DYNC2I1: variants seen among roughly 807,000 people sequenced by gnomAD.
DYNC2I1 encodes cytoplasmic dynein 2 intermediate chain 1.
In DYNC2I1, 89 loss-of-function variants were observed where a neutral mutation model predicts 133.4. That is an observed-to-expected ratio of 0.67 (90% CI 0.56 to 0.80). The LOEUF is 0.80. Among genes scored for constraint, DYNC2I1 ranks in the 30% least tolerant of loss-of-function variants. DYNC2I1 has a pLI of 0.00. For missense variants in DYNC2I1, 1,291 were observed against 1,314.5 expected, an observed-to-expected ratio of 0.98 and a Z score of 0.28; for synonymous variants, 504 against 484.3, an observed-to-expected ratio of 1.04 and a Z score of -0.54.
rs541298385 is a variant in DYNC2I1 at position 158,892,337 on chromosome 7, G to A, written c.1059+1004G>A. Among the ~76,000 whole-genome samples the A allele has an allele frequency of 4.6e-5, 7 of 152,294 alleles. No homozygotes were observed. The South Asian group carries it at 1.5e-3, about 32-fold the overall frequency. On this transcript the variant is annotated intron_variant, in intron 8 of 24. Coordinates refer to ENST00000407559, the MANE Select transcript of DYNC2I1 (RefSeq NM_018051.5). ...TACTGATACAATAAATGTAGTATAT[G>A]TTATTTAATATAATGTACCATGACT...
intron 4 of DYNC2I1, among the ~76,000 whole-genome samples, chr7:158,954,790 G>C (rs1239319426): frequency 6.6e-6 from 1 of 152,206 alleles, no homozygotes; most frequent in Non-Finnish European, 1.5e-5. Flanking sequence ...CATTTCTAGA[G>C]TCTTTTTAAA....
chr7:158,878,198 G>A (rs1381716018), intron 4 of DYNC2I1, among the ~76,000 whole-genome samples: 1 of 149,734 alleles, frequency 6.7e-6, no homozygotes, highest in East Asian at 2.0e-4. Flanking sequence ...CAGGAGGGCC[G>A]ACTGTGAGTG....
In DYNC2I1 at chr7:158,876,491, T is replaced by C. The variant is rs1029315073; in HGVS notation, c.491-118T>C. 4.6e-6 allele frequency: 6 copies of C among 1,311,418 alleles called. No homozygotes were observed. The African/African-American group carries it at 7.7e-5, about 17-fold the overall frequency. The allele number at this position is 1,311,418 out of a possible 1,614,324, so 81.2% of individuals were successfully genotyped here. A position where few individuals can be genotyped will look rare whatever the true frequency, so the allele number is the denominator to read the frequency against. On this transcript the variant is annotated intron_variant, in intron 3 of 24. Transcript: ENST00000407559. ...AGGCATGTGTTTTAGTTGAAGAATA[T>C]TTTCAAATACATATTAACGAATATA... is the stretch of plus-strand genomic sequence containing the variant.
chr7:158,878,684 T>C (rs1347522053), intron 4 of DYNC2I1, among the ~76,000 whole-genome samples: 177 of 48,504 alleles, frequency 3.6e-3, no homozygotes, highest in Middle Eastern at 0.038. Flanking sequence ...GCCAGGAGGG[T>C]TGACTGTGAG....
intron 21 of DYNC2I1, 76 bp downstream of exon 21, chr7:158,930,591 G>A (rs761115788): frequency 4.7e-5 from 57 of 1,209,282 alleles, no homozygotes; most frequent in Non-Finnish European, 6.3e-5. Context: ...TTGCATATAC[G>A]GTAAATGGTG....
chr7:158,916,524 G>A (rs529663205), intron 14 of DYNC2I1, among the ~76,000 whole-genome samples: 12 of 58,924 alleles, frequency 2.0e-4, no homozygotes, highest in African/African-American at 6.6e-4. Flanking sequence ...ACGTCTACAC[G>A]CTGGTTGACA....
At chr7:158,920,884 A>G (rs1849002997) in intron 15 of DYNC2I1, among the ~76,000 whole-genome samples, 1 of 152,146 alleles carries the variant, frequency 6.6e-6, no homozygotes, top group Admixed American at 6.5e-5. Flanking sequence ...CCTCATCACT[A>G]TTAAAACACG....
chr7:158,913,979 G>A (rs1847753671), intron 13 of DYNC2I1, among the ~76,000 whole-genome samples: 1 of 152,140 alleles, frequency 6.6e-6, no homozygotes, highest in Non-Finnish European at 1.5e-5. Flanking sequence ...CAAAGTGCTG[G>A]GATTACAGGC....
intron 1 of DYNC2I1, among the ~76,000 whole-genome samples, chr7:158,864,223 CA>C (rs1842200773): frequency 6.6e-6 from 1 of 152,098 alleles, no homozygotes; most frequent in Admixed American, 6.5e-5. Context: ...AAGGAGCTCA[CA>C]TTCCTCAGAT....
Position 158,871,543 on chromosome 7 carries a change from G to A in DYNC2I1, c.471G>A (p.Ala157=), listed in dbSNP as rs375082266. 7.4e-4 allele frequency: 1,134 copies of A among 1,539,822 alleles called. No individual in the cohort carries two copies. The highest frequency in any genetic ancestry group is 8.7e-4 in the Non-Finnish European group (1,000 of 1,146,108). The change falls in exon 3 of 25, where the codon GCG becomes GCA. Residue 157 remains alanine (A), a synonymous_variant. Transcript: ENST00000407559. The part of the protein sequence containing the change: ...ETRDRQLLER[A]ERKGRSVSKV... ...GCGACCGGCAGCTCCTGGAGCGGGC[G>A]GAGAGGAAAGGCCGCTCAGGTGGGT...
chr7:158,948,660 G>C (rs953927851), downstream of DYNC2I1, among the ~76,000 whole-genome samples: 5 of 152,154 alleles, frequency 3.3e-5, no homozygotes, highest in African/African-American at 1.2e-4. Context: ...AGCGCAACTG[G>C]ATATGCAGAC....
chr7:158,879,432 G>C (rs1051586497), intron 4 of DYNC2I1, among the ~76,000 whole-genome samples: 1 of 151,984 alleles, frequency 6.6e-6, no homozygotes, highest in Non-Finnish European at 1.5e-5. Context: ...CCCTTCCACC[G>C]GGATGCTTTA....
intron 8 of DYNC2I1, among the ~76,000 whole-genome samples, chr7:158,894,120 C>CTACTGCATATCA (rs1554455775): frequency 6.3e-4 from 48 of 75,656 alleles, no homozygotes; most frequent in East Asian, 3.2e-3. Flanking sequence ...ACTGCATATC[C>CTACTGCATATCA]TACCGCATAT....
intron 1 of DYNC2I1, among the ~76,000 whole-genome samples, chr7:158,857,467 C>T (rs1041560929): frequency 7.2e-5 from 11 of 151,880 alleles, no homozygotes; most frequent in African/African-American, 2.7e-4. Context: ...TTATTTTTTC[C>T]CCATCACTTA....
intron 1 of DYNC2I1, among the ~76,000 whole-genome samples, chr7:158,862,976 C>T (rs376769579): frequency 5.9e-5 from 9 of 151,992 alleles, no homozygotes; most frequent in Non-Finnish European, 1.3e-4. Context: ...GAGTGAAGCC[C>T]CAGACCTTTG....
intron 5 of DYNC2I1, among the ~76,000 whole-genome samples, chr7:158,882,048 G>A (rs1029467664): frequency 4.6e-5 from 7 of 152,256 alleles, no homozygotes; most frequent in African/African-American, 1.4e-4. Flanking sequence ...AAAAATGGTC[G>A]ATGAAGAACA....
chr7:158,856,407 G>C (rs1053573916), upstream of DYNC2I1, among the ~76,000 whole-genome samples: 3 of 152,254 alleles, frequency 2.0e-5, no homozygotes, highest in African/African-American at 7.2e-5. Flanking sequence ...CGACCGCTCG[G>C]TCCTCTGCTG....
In DYNC2I1 at chr7:158,912,921, C is replaced by T. The variant is rs1157738565; in HGVS notation, c.1591-64C>T. Reference sequence around the variant, plus strand: ...GACACAGTGACTCTCATTATTATTTCAGTAATGACAGATTGCTCCGAAATT... The same window carrying T: ...GACACAGTGACTCTCATTATTATTTTAGTAATGACAGATTGCTCCGAAATT... On this transcript the variant is annotated intron_variant, in intron 12 of 24. Coordinates refer to ENST00000407559, the MANE Select transcript of DYNC2I1 (RefSeq NM_018051.5). 7 of 1,119,102 alleles carry T rather than the reference C, an allele frequency of 6.3e-6. 1 individual carries two copies. The highest frequency in any genetic ancestry group is 9.1e-6 in the Non-Finnish European group (7 of 773,324). 69.3% of individuals were successfully genotyped at this position (1,119,102 alleles called of 1,614,324 possible). A position where few individuals can be genotyped will look rare whatever the true frequency, so the allele number is the denominator to read the frequency against.
At chr7:158,853,296 T>C (rs979885438), upstream of DYNC2I1, among the ~76,000 whole-genome samples, 1 of 152,114 alleles carries the variant, frequency 6.6e-6, no homozygotes, top group Non-Finnish European at 1.5e-5. Context: ...CCTGAAGAAG[T>C]AGTTCAGGAC....
Sources: gnomAD v4.1 joint callset for allele counts (sites outside exome capture counted in the v4.1 genomes callset) on GRCh38, gnomAD v4.1.1 for gene constraint, MANE v1.5 for transcripts, NCBI Gene and HGNC (gene_info 2026-07-23, HGNC 2026-07-21) for gene names.